LHX9: variants seen among roughly 807,000 people sequenced by gnomAD.
LHX9 encodes the protein LIM/homeobox protein Lhx9.
Under a neutral mutation model 36.5 loss-of-function variants are expected in LHX9, and 9 were observed. That is an observed-to-expected ratio of 0.25 (90% CI 0.15 to 0.43). The LOEUF is 0.43. Ranked by LOEUF, LHX9 falls within the 20% of genes least tolerant of loss-of-function variation. The probability of loss-of-function intolerance (pLI) is 1.00; values close to 1 mark genes in which losing one functional copy is unlikely to be tolerated. For synonymous variants in LHX9, 211 were observed against 212.1 expected, an observed-to-expected ratio of 0.99 and a Z score of 0.04; for missense variants, 464 against 526.4, an observed-to-expected ratio of 0.88 and a Z score of 1.16.
chr1:197,918,253 G>A (rs1296430498), intron 1 of LHX9: 6 of 715,902 alleles, frequency 8.4e-6, no homozygotes, highest in Admixed American at 8.0e-5. Context: ...CTGGGAGGAG[G>A]TGGGATGGGG....
chr1:197,915,100 G>T (rs1659709480), upstream of LHX9, among the ~76,000 whole-genome samples: 1 of 152,080 alleles, frequency 6.6e-6, no homozygotes, highest in Non-Finnish European at 1.5e-5. Context: ...GGTATTCTTG[G>T]GTTCTTCATT....
chr1:197,919,291 C>T (rs888860909), intron 1 of LHX9, among the ~76,000 whole-genome samples: 1 of 152,194 alleles, frequency 6.6e-6, no homozygotes. Flanking sequence ...TCTCAGTACG[C>T]CTGTTGATGC....
intron 1 of LHX9, among the ~76,000 whole-genome samples, chr1:197,919,711 A>G (rs1363477053): frequency 2.0e-5 from 3 of 152,228 alleles, no homozygotes; most frequent in Non-Finnish European, 4.4e-5. Flanking sequence ...TTTTTAAGCG[A>G]GGCTCCGGAT....
Position 197,917,677 on chromosome 1 carries a change from G to A in LHX9, c.-147G>A. 1.3e-6 allele frequency: 2 copies of A among 1,563,016 alleles called. No individual in the cohort carries two copies. The highest frequency in any genetic ancestry group is 8.6e-7 in the Non-Finnish European group (1 of 1,160,298). On this transcript the variant is annotated 5_prime_UTR_variant, in exon 1 of 5. Coordinates refer to ENST00000367387, the MANE Select transcript of LHX9 (RefSeq NM_020204.3). The stretch of plus-strand genomic sequence containing the variant: ...TTGCTTCCCCTCGGCCCCCCAAGCA[G>A]ACCGATTTCCACTCCATCTGTTTCT...
chr1:197,929,467 C>T lies in LHX9; in HGVS notation c.*208C>T, dbSNP rs1660264015. 9.4e-7 allele frequency: 1 copy of T among 1,063,266 alleles called. No individual in the cohort carries two copies. Among genetic ancestry groups the T allele is most frequent in the Non-Finnish European group, 1.1e-6 (1 of 879,036 alleles). The allele number at this position is 1,063,266 out of a possible 1,614,324, so 65.9% of individuals were successfully genotyped here. A position where few individuals can be genotyped will look rare whatever the true frequency, so the allele number is the denominator to read the frequency against. On this transcript the variant is annotated 3_prime_UTR_variant, in exon 5 of 5. Transcript: ENST00000367387. ...TCTCCTTTAAGTGAATATATTTTGTCTACAAAGTGTATTTGGATTTAAAAA... is the reference window on the plus strand; with the variant it reads ...TCTCCTTTAAGTGAATATATTTTGTTTACAAAGTGTATTTGGATTTAAAAA...
rs920226984 is a variant in LHX9 at position 197,932,040 on chromosome 1, G to T, written c.*2781G>T. ...TGCAGTGAAGACAAAGACACTATTAGGTTATGATAATCATACATTAAAAAA... is the reference window on the plus strand; with the variant it reads ...TGCAGTGAAGACAAAGACACTATTATGTTATGATAATCATACATTAAAAAA... On this transcript the variant is annotated 3_prime_UTR_variant, in exon 5 of 5. Coordinates refer to ENST00000367387, the MANE Select transcript of LHX9 (RefSeq NM_020204.3). The T allele has an allele frequency of 2.7e-6, 3 of 1,111,504 alleles. No homozygotes were observed. Among genetic ancestry groups the T allele is most frequent in the Non-Finnish European group, 2.6e-6 (2 of 777,304 alleles). The allele number at this position is 1,111,504 out of a possible 1,614,324, so 68.9% of individuals were successfully genotyped here.
In LHX9 at chr1:197,929,131, C is replaced by T; in HGVS notation, c.1066C>T (p.Pro356Ser). ...PSADSGALTPPGTATTLTDLT... is the reference protein window; with the variant it reads ...PSADSGALTPSGTATTLTDLT... The stretch of plus-strand genomic sequence containing the variant: ...AGCAGACAGCGGAGCTCTCACTCCA[C>T]CCGGCACTGCGACCACTTTAACAGA... Residue 356 changes from proline (P) to serine (S), a missense_variant, in exon 5 of 5, where the codon CCC (proline) becomes TCC (serine). Coordinates refer to ENST00000367387, the MANE Select transcript of LHX9 (RefSeq NM_020204.3). The T allele has an allele frequency of 3.7e-6, 6 of 1,613,702 alleles. No individual in the cohort carries two copies. Among genetic ancestry groups the T allele is most frequent in the Non-Finnish European group, 5.1e-6 (6 of 1,179,880 alleles).
upstream of LHX9, among the ~76,000 whole-genome samples, chr1:197,914,128 G>A (rs536492392): frequency 6.6e-6 from 1 of 152,350 alleles, no homozygotes; most frequent in South Asian, 2.1e-4. Flanking sequence ...AGCGGCAACA[G>A]TAGCGGGATG....
At chr1:197,925,506 T>C (rs551820546) in intron 3 of LHX9, among the ~76,000 whole-genome samples, 1 of 133,722 alleles carries the variant, frequency 7.5e-6, no homozygotes, top group East Asian at 2.2e-4. Flanking sequence ...AACCCTCCGA[T>C]GACTAACATG....
Position 197,921,621 on chromosome 1 carries a change from G to A in LHX9, c.695G>A (p.Ser232Asn). Reference sequence around the variant, plus strand: ...AAAGGGCGGCCCCGGAAGCGGAAGAGCCCAGCGCTGGGAGTGGACATCGTC... The same window carrying A: ...AAAGGGCGGCCCCGGAAGCGGAAGAACCCAGCGCTGGGAGTGGACATCGTC... ...VQKGRPRKRK[S>N]PALGVDIVNY... The change falls in exon 3 of 5, where the codon AGC becomes AAC. Residue 232 changes from serine to asparagine, a missense_variant. Transcript: ENST00000367387. The surrounding 1 kb of genome is among the most constrained non-coding windows in gnomAD (Gnocchi z 4.6). 6.2e-7 allele frequency: 1 copy of A among 1,600,498 alleles called. No individual in the cohort carries two copies. Among genetic ancestry groups the A allele is most frequent in the Non-Finnish European group, 8.5e-7 (1 of 1,175,912 alleles).
chr1:197,918,097 T>C, intron 1 of LHX9, 100 bp downstream of exon 1: 2 of 1,327,388 alleles, frequency 1.5e-6, no homozygotes, highest in Non-Finnish European at 2.1e-6. Flanking sequence ...CGGCGGGTCG[T>C]AGAGACGTCC....
chr1:197,924,699 G>A (rs1488647446), intron 3 of LHX9, among the ~76,000 whole-genome samples: 3 of 152,090 alleles, frequency 2.0e-5, no homozygotes, highest in Admixed American at 2.0e-4. Context: ...AATTAGCCTG[G>A]CACTGACCCC....
rs1660360326 is a variant in LHX9, at chr1:197,932,788, G to C, written c.*3529G>C. On this transcript the variant is annotated 3_prime_UTR_variant, in exon 5 of 5. Transcript: ENST00000367387. ...TTATTTTCATTTGTTGTATTCAATT[G>C]CCACATGTATTAAAAATAAAAAACA... 6.6e-6 allele frequency: 1 copy of C among 151,806 alleles called. No individual in the cohort carries two copies. The highest frequency in any genetic ancestry group is 6.6e-5 in the Admixed American group (1 of 15,234). The allele number at this position is 151,806 out of a possible 1,614,324, so 9.4% of individuals were successfully genotyped here.
upstream of LHX9, among the ~76,000 whole-genome samples, chr1:197,914,966 A>C (rs1327780440): frequency 6.6e-6 from 1 of 151,754 alleles, no homozygotes; most frequent in Admixed American, 6.6e-5. Context: ...GGATGATTGG[A>C]GGGCTTACAA....
Position 197,917,665 on chromosome 1 carries a change from G to C in LHX9, c.-159G>C. Reference sequence around the variant, plus strand: ...TCCCAGTTCTTTTTGCTTCCCCTCGGCCCCCCAAGCAGACCGATTTCCACT... The same window carrying C: ...TCCCAGTTCTTTTTGCTTCCCCTCGCCCCCCCAAGCAGACCGATTTCCACT... On this transcript the variant is annotated 5_prime_UTR_variant, in exon 1 of 5. Transcript: ENST00000367387. 1 of 1,538,524 alleles carries C rather than the reference G, an allele frequency of 6.5e-7. No homozygotes were observed. Among genetic ancestry groups the C allele is most frequent in the Non-Finnish European group, 8.7e-7 (1 of 1,148,534 alleles).
In LHX9 at chr1:197,929,241, C is replaced by T. The variant is rs763146518; in HGVS notation, c.1176C>T (p.Thr392=). The change falls in exon 5 of 5, where the codon ACC becomes ACT. Residue 392 remains threonine, a synonymous_variant. Coordinates refer to ENST00000367387, the MANE Select transcript of LHX9 (RefSeq NM_020204.3). ...AATCCGGAAGCCCCTCACAAACTACCTTAACAAACCTTTTCTAACATTGGT... is the reference window on the plus strand; with the variant it reads ...AATCCGGAAGCCCCTCACAAACTACTTTAACAAACCTTTTCTAACATTGGT... ...SHESGSPSQT[T]LTNLF is the part of the protein sequence containing the mutation. The T allele has an allele frequency of 7.0e-7, 1 of 1,430,554 alleles. No individual in the cohort carries two copies. Among genetic ancestry groups the T allele is most frequent in the African/African-American group, 1.5e-5 (1 of 68,814 alleles). 88.6% of individuals were successfully genotyped at this position (1,430,554 alleles called of 1,614,324 possible). A position where few individuals can be genotyped will look rare whatever the true frequency, so the allele number is the denominator to read the frequency against.
At position 197,917,822 on chromosome 1, in the gene LHX9, A is replaced by G. The variant is rs775616962; in HGVS notation, c.-2A>G. 1.2e-6 allele frequency: 2 copies of G among 1,614,030 alleles called. No individual in the cohort carries two copies. Among genetic ancestry groups the G allele is most frequent in the Non-Finnish European group, 1.7e-6 (2 of 1,179,950 alleles). On this transcript the variant is annotated 5_prime_UTR_variant, in exon 1 of 5. Coordinates refer to ENST00000367387, the MANE Select transcript of LHX9 (RefSeq NM_020204.3). ...TGAGCTGAAAGCCCCGGGCGTGTGT[A>G]TATGGAAATAGTGGGGTGCCGAGCA...
intron 3 of LHX9, among the ~76,000 whole-genome samples, chr1:197,926,227 A>G (rs1660137345): frequency 6.6e-6 from 1 of 152,238 alleles, no homozygotes; most frequent in Non-Finnish European, 1.5e-5. Context: ...ATTAAGCAGA[A>G]CATTTTATTA....
At chr1:197,912,705 G>T, upstream of LHX9, 1 of 848,600 alleles carries the variant, frequency 1.2e-6, no homozygotes, top group Non-Finnish European at 2.0e-6. Flanking sequence ...ACCGCGCTTC[G>T]TAGGCTCAAA....
Sources: allele counts gnomAD v4.1 joint callset (sites outside exome capture counted in the v4.1 genomes callset), GRCh38; gene constraint gnomAD v4.1.1; non-coding constraint Gnocchi (gnomAD v3.1); transcripts MANE v1.5; gene names NCBI Gene and HGNC (gene_info 2026-07-23, HGNC 2026-07-21).